PPFIBP1: variants seen among roughly 807,000 people sequenced by gnomAD.
The protein encoded by PPFIBP1 is PPFIB scaffold protein 1.
A neutral mutation model predicts 137.8 loss-of-function variants in PPFIBP1; 112 were observed. The observed-to-expected ratio is 0.81, with a 90% CI of 0.70 to 0.95. PPFIBP1 has a LOEUF of 0.95. Ranked by LOEUF, PPFIBP1 falls within the 40% of genes least tolerant of loss-of-function variation. PPFIBP1 has a pLI of 0.00. For missense variants in PPFIBP1, 1,083 were observed against 1,196.6 expected (o/e 0.91, Z 1.40); for synonymous variants, 378 against 417.3 (o/e 0.91, Z 1.15).
At chr12:27,597,774 A>G (rs534348825) in intron 2 of PPFIBP1, among the ~76,000 whole-genome samples, 17 of 152,242 alleles carry the variant, frequency 1.1e-4, no homozygotes, top group African/African-American at 3.9e-4. Context: ...GCCTCAGAGA[A>G]AACTTTAAAT....
At chr12:27,546,625 C>T (rs1248544792) in intron 1 of PPFIBP1, among the ~76,000 whole-genome samples, 1 of 152,184 alleles carries the variant, frequency 6.6e-6, no homozygotes, top group African/African-American at 2.4e-5. Flanking sequence ...CCTGCATTGG[C>T]CTGTCTGCAA....
chr12:27,669,238 A>C (rs2060036855), intron 13 of PPFIBP1, among the ~76,000 whole-genome samples: 1 of 152,216 alleles, frequency 6.6e-6, no homozygotes. Context: ...ACTTAAATGT[A>C]GGAGAGGGCT....
At chr12:27,685,458 C>T (rs1475363992) in intron 24 of PPFIBP1, among the ~76,000 whole-genome samples, 1 of 152,066 alleles carries the variant, frequency 6.6e-6, no homozygotes, top group Non-Finnish European at 1.5e-5. Context: ...AAGATCCCTG[C>T]TTTTAATAGC....
chr12:27,651,187 A>C (rs16932268), intron 7 of PPFIBP1, among the ~76,000 whole-genome samples: 3,220 of 152,282 alleles, frequency 0.021, 109 homozygotes, highest in African/African-American at 0.073. Context: ...TTTTCTGTCA[A>C]AGATTCAATT....
At chr12:27,573,182 T>C (rs550783235) in intron 1 of PPFIBP1, among the ~76,000 whole-genome samples, 18 of 152,330 alleles carry the variant, frequency 1.2e-4, no homozygotes, top group Admixed American at 2.6e-4. Flanking sequence ...AAGAATCTGT[T>C]ATTTGAGAAA....
chr12:27,684,640 T>G (rs2061089530), intron 24 of PPFIBP1, among the ~76,000 whole-genome samples: 1 of 152,164 alleles, frequency 6.6e-6, no homozygotes, highest in South Asian at 2.1e-4. Flanking sequence ...AATACTAATA[T>G]GTGTAGTATG....
chr12:27,560,563 C>G (rs997606148), intron 1 of PPFIBP1, among the ~76,000 whole-genome samples: 12 of 152,274 alleles, frequency 7.9e-5, no homozygotes, highest in African/African-American at 2.4e-4. Flanking sequence ...TGCATCTGTG[C>G]TTAGAGGTAA....
intron 2 of PPFIBP1, among the ~76,000 whole-genome samples, chr12:27,602,090 G>C (rs546939143): frequency 5.9e-5 from 9 of 152,302 alleles, no homozygotes; most frequent in African/African-American, 9.6e-5. Context: ...CCTGTGCTCT[G>C]TCCTTTGGTT....
intron 3 of PPFIBP1, 45 bp downstream of exon 3, chr12:27,633,505 C>T (rs755388673): frequency 5.9e-6 from 9 of 1,523,676 alleles, no homozygotes; most frequent in Admixed American, 1.9e-5. Context: ...ATTTACTCTC[C>T]TCACTTGGCT....
At chr12:27,657,190 G>C (rs932703114) in intron 9 of PPFIBP1, 48 of 152,864 alleles carry the variant, frequency 3.1e-4, no homozygotes, top group African/African-American at 1.1e-3. Context: ...TTATACCAGG[G>C]ATTGAGCCCT....
At chr12:27,659,322 TG>T (rs2059401669) in intron 10 of PPFIBP1, among the ~76,000 whole-genome samples, 1 of 152,210 alleles carries the variant, frequency 6.6e-6, no homozygotes, top group Non-Finnish European at 1.5e-5. Context: ...TGAATCCAGC[TG>T]ATTCATGGAG....
Position 27,593,129 on chromosome 12 carries a change from C to CAAAAAAAA in PPFIBP1, c.-36+14904_-36+14911dup, listed in dbSNP as rs33939858. ...CCTGGGCAACGGAGAAAGAATGTCT[C>CAAAAAAAA]AAAAAAAAAAAAAAAAAAAAAGCCC... On this transcript the variant is annotated intron_variant, in intron 2 of 29. Transcript: ENST00000228425. Among the ~76,000 whole-genome samples the CAAAAAAAA allele has an allele frequency of 1.5e-3, 154 of 100,840 alleles. 1 individual carries two copies. Among genetic ancestry groups the CAAAAAAAA allele is most frequent in the Non-Finnish European group, 2.1e-3 (110 of 52,798 alleles). 66.2% of individuals were successfully genotyped at this position (100,840 alleles called of 152,430 possible).
intron 4 of PPFIBP1, among the ~76,000 whole-genome samples, chr12:27,644,217 C>T (rs1406852642): frequency 6.8e-6 from 1 of 146,716 alleles, no homozygotes; most frequent in Non-Finnish European, 1.5e-5. Flanking sequence ...ACTAGGACCA[C>T]AGGCGCACAC....
chr12:27,659,565 T>C (rs2059415714), intron 10 of PPFIBP1, among the ~76,000 whole-genome samples: 1 of 151,894 alleles, frequency 6.6e-6, no homozygotes, highest in Admixed American at 6.6e-5. Context: ...GAGGCTGCAG[T>C]GAGCTATGAT....
chr12:27,650,894 G>T (rs2058837581), intron 7 of PPFIBP1, among the ~76,000 whole-genome samples: 2 of 152,182 alleles, frequency 1.3e-5, no homozygotes, highest in Admixed American at 1.3e-4. Flanking sequence ...AAGAGTTGCA[G>T]AAATTTCTTT....
At chr12:27,632,262 G>T (rs1029959184) in intron 2 of PPFIBP1, among the ~76,000 whole-genome samples, 1 of 152,196 alleles carries the variant, frequency 6.6e-6, no homozygotes, top group Non-Finnish European at 1.5e-5. Context: ...AAATATATTT[G>T]TGAAAATAAA....
At chr12:27,677,403 C>G (rs547289435) in intron 19 of PPFIBP1, 122 of 431,474 alleles carry the variant, frequency 2.8e-4, no homozygotes, top group Non-Finnish European at 3.6e-4. Context: ...CATTGCAGCT[C>G]TTTCAGCCTT....
At chr12:27,585,987 G>A (rs1307809615) in intron 2 of PPFIBP1, among the ~76,000 whole-genome samples, 5 of 152,140 alleles carry the variant, frequency 3.3e-5, no homozygotes, top group Non-Finnish European at 7.4e-5. Context: ...AGTTTGCTTG[G>A]ACTTTATTCT....
rs375883900 is a variant in PPFIBP1 at position 27,665,663 on chromosome 12, TAG to T, written c.991+1220_991+1221del. ...CTCTTGTTTTTTAGCAATGCATAAA[TAG>T]AGTTATTTGCTCGCAACGTAAGCAC... On this transcript the variant is annotated intron_variant, in intron 12 of 29. Coordinates refer to ENST00000228425, the MANE Select transcript of PPFIBP1 (RefSeq NM_003622.4). Among the ~76,000 whole-genome samples the T allele has an allele frequency of 2.3e-3, 354 of 152,360 alleles. 4 individuals are homozygous for T. Among genetic ancestry groups the T allele is most frequent in the African/African-American group, 8.2e-3 (342 of 41,578 alleles).
Sources: allele counts gnomAD v4.1 joint callset (sites outside exome capture counted in the v4.1 genomes callset), GRCh38; gene constraint gnomAD v4.1.1; transcripts MANE v1.5; gene names NCBI Gene and HGNC (gene_info 2026-07-23, HGNC 2026-07-21).